KLHL22: variants seen among roughly 807,000 people sequenced by gnomAD.
KLHL22 encodes kelch like family member 22.
Under a neutral mutation model 60.7 loss-of-function variants are expected in KLHL22, and 18 were observed. The observed-to-expected ratio is 0.30, with a 90% CI of 0.20 to 0.44. The LOEUF is 0.44. Among genes scored for constraint, KLHL22 ranks in the 20% least tolerant of loss-of-function variants. KLHL22 has a pLI of 1.00. For missense variants in KLHL22, 596 were observed against 852.3 expected, an observed-to-expected ratio of 0.70 and a Z score of 3.74; for synonymous variants, 355 against 354.5, an observed-to-expected ratio of 1.00 and a Z score of -0.01.
chr22:20,458,721 A>G (rs2053106952), intron 4 of KLHL22, among the ~76,000 whole-genome samples: 1 of 151,958 alleles, frequency 6.6e-6, no homozygotes, highest in African/African-American at 2.4e-5. Context: ...CACGCCCTGC[A>G]CACAGCACCC....
intron 4 of KLHL22, among the ~76,000 whole-genome samples, chr22:20,458,443 C>CTTTT (rs1395647107): frequency 1.7e-4 from 17 of 102,712 alleles, no homozygotes; most frequent in Admixed American, 2.7e-4. Flanking sequence ...ACAACGCCCG[C>CTTTT]TATTTTTTTT....
At chr22:20,448,382 C>A in intron 5 of KLHL22, among the ~76,000 whole-genome samples, 1 of 152,116 alleles carries the variant, frequency 6.6e-6, no homozygotes, top group East Asian at 1.9e-4. Context: ...ACTTCTGGTC[C>A]CCAGCATTTC....
chr22:20,453,054 G>A (rs930553105), intron 5 of KLHL22, among the ~76,000 whole-genome samples: 2 of 152,128 alleles, frequency 1.3e-5, no homozygotes, highest in Non-Finnish European at 2.9e-5. Flanking sequence ...ATCATTCAAT[G>A]TTCCTCTGTG....
At chr22:20,454,897 G>A (rs1307125736) in intron 5 of KLHL22, among the ~76,000 whole-genome samples, 1 of 152,062 alleles carries the variant, frequency 6.6e-6, no homozygotes, top group Non-Finnish European at 1.5e-5. Flanking sequence ...TTGAGACGGA[G>A]TCTTGGCAGA....
intron 1 of KLHL22, chr22:20,491,098 C>G (rs1038633939): frequency 1.3e-5 from 2 of 152,172 alleles, no homozygotes; most frequent in African/African-American, 4.8e-5. Context: ...ATACTCATGT[C>G]TACTGGTTTG....
chr22:20,452,483 C>T (rs978401791), intron 5 of KLHL22, among the ~76,000 whole-genome samples: 4 of 152,268 alleles, frequency 2.6e-5, no homozygotes, highest in Non-Finnish European at 5.9e-5. Flanking sequence ...GAACCTAGAA[C>T]AGCACTGAAG....
chr22:20,472,900 G>A (rs1418268567), intron 2 of KLHL22, among the ~76,000 whole-genome samples: 1 of 152,132 alleles, frequency 6.6e-6, no homozygotes, highest in African/African-American at 2.4e-5. Context: ...CAGCCGGGGA[G>A]GGAGTTCCAG....
At position 20,446,561 on chromosome 22, in the gene KLHL22, T is replaced by C. The variant is rs145465005; in HGVS notation, c.1421A>G (p.His474Arg). Residue 474 changes from histidine (H) to arginine (R), a missense_variant, in exon 6 of 7, where the codon CAC becomes CGC. Transcript: ENST00000328879. Reference protein sequence around the residue: ...HCYDPGSNTWHTLADGPVRRA... With the variant: ...HCYDPGSNTWRTLADGPVRRA... Reference sequence around the variant, plus strand: ...CCGCACAGGCCCATCAGCCAGTGTGTGCCAAGTGTTGCTGCCTGGATCGTA... The same window carrying C: ...CCGCACAGGCCCATCAGCCAGTGTGCGCCAAGTGTTGCTGCCTGGATCGTA... The C allele has an allele frequency of 6.8e-4, 1,105 of 1,613,918 alleles. 1 individual carries two copies. The highest frequency in any genetic ancestry group is 2.3e-3 in the Admixed American group (141 of 60,032).
chr22:20,460,090 A>G (rs1244653530), intron 4 of KLHL22, among the ~76,000 whole-genome samples: 1 of 152,190 alleles, frequency 6.6e-6, no homozygotes. Context: ...GGCCCCGTCA[A>G]CTGGCTGGGA....
intron 1 of KLHL22, among the ~76,000 whole-genome samples, chr22:20,492,390 C>T (rs898757125): frequency 5.3e-5 from 8 of 152,170 alleles, no homozygotes; most frequent in East Asian, 1.9e-4. Flanking sequence ...CCCCAGGCTG[C>T]TCTCCTTCAA....
chr22:20,462,831 T>C (rs1046078455), intron 4 of KLHL22, among the ~76,000 whole-genome samples: 3 of 152,102 alleles, frequency 2.0e-5, no homozygotes, highest in African/African-American at 7.2e-5. Context: ...GAAAAAGTAG[T>C]ATATTGGAGA....
intron 4 of KLHL22, among the ~76,000 whole-genome samples, chr22:20,459,103 G>C (rs2053114009): frequency 6.6e-6 from 1 of 152,206 alleles, no homozygotes. Context: ...TGAGCTCAAA[G>C]CCAGTATCTG....
At chr22:20,462,967 G>A (rs557929031) in intron 4 of KLHL22, among the ~76,000 whole-genome samples, 1 of 152,222 alleles carries the variant, frequency 6.6e-6, no homozygotes, top group Admixed American at 6.5e-5. Context: ...GCAAAATCTT[G>A]TTTCCTTATA....
At position 20,495,434 on chromosome 22, in the gene KLHL22, T is replaced by C; in HGVS notation, c.-34+326A>G. Among the ~76,000 whole-genome samples, 1 of 151,972 alleles carries C rather than the reference T, an allele frequency of 6.6e-6. No homozygotes were observed. Among genetic ancestry groups the C allele is most frequent in the East Asian group, 1.9e-4 (1 of 5,186 alleles). ...CGGCCAGGAAGGCCGCATTCGGACC[T>C]GCCGCAGGCAACAGGGCCCGCCCGG... is the stretch of plus-strand genomic sequence containing the variant. On this transcript the variant is annotated intron_variant, in intron 1 of 6. Coordinates refer to ENST00000328879, the MANE Select transcript of KLHL22 (RefSeq NM_032775.4). The surrounding 1 kb of genome is among the most constrained non-coding windows in gnomAD (Gnocchi z 4.6).
chr22:20,470,885 T>C (rs1393553475), intron 3 of KLHL22, among the ~76,000 whole-genome samples: 2 of 151,896 alleles, frequency 1.3e-5, no homozygotes, highest in African/African-American at 4.8e-5. Flanking sequence ...GATGGATGGA[T>C]GGACAGACAA....
chr22:20,483,737 T>C, intron 2 of KLHL22: 1 of 736,492 alleles, frequency 1.4e-6, no homozygotes, highest in Non-Finnish European at 2.5e-6. Context: ...CTCCAGTCTC[T>C]GATCTGGGTC....
chr22:20,451,416 A>C (rs1377531309), intron 5 of KLHL22: 1 of 1,608,892 alleles, frequency 6.2e-7, no homozygotes. Flanking sequence ...GTCTAGGAGG[A>C]TATGACGGCT....
At chr22:20,449,060 GTTTT>G (rs747411348) in intron 5 of KLHL22, among the ~76,000 whole-genome samples, 2 of 146,042 alleles carry the variant, frequency 1.4e-5, no homozygotes, top group Admixed American at 1.4e-4. Context: ...GTTTTGTTTT[GTTTT>G]GTTTGTTTTT....
chr22:20,479,275 T>A (rs1291515397), intron 2 of KLHL22, among the ~76,000 whole-genome samples: 2 of 151,772 alleles, frequency 1.3e-5, no homozygotes, highest in African/African-American at 4.8e-5. Context: ...TAAAAAAAAA[T>A]TATTACTACT....
Sources: gnomAD v4.1 joint callset for allele counts (sites outside exome capture counted in the v4.1 genomes callset) on GRCh38, gnomAD v4.1.1 for gene constraint, Gnocchi (gnomAD v3.1) non-coding constraint, MANE v1.5 for transcripts, NCBI Gene and HGNC (gene_info 2026-07-23, HGNC 2026-07-21) for gene names.